The following RBPJ variants were observed in gnomAD, a reference collection of about 807,000 sequenced individuals.
RBPJ encodes recombination signal binding protein for immunoglobulin kappa J region, also known as recombining binding protein suppressor of hairless.
Under a neutral mutation model 67.8 loss-of-function variants are expected in RBPJ, and 9 were observed. The ratio of observed to expected loss-of-function variants is 0.13; its 90% CI spans 0.08 to 0.23. The LOEUF is 0.23. RBPJ is among the 10% of genes least tolerant of loss of function. The probability of loss-of-function intolerance (pLI) is 1.00; values close to 1 mark genes in which losing one functional copy is unlikely to be tolerated. For synonymous variants in RBPJ, 198 were observed against 203.3 expected, an observed-to-expected ratio of 0.97 and a Z score of 0.22; for missense variants, 305 against 595.6, an observed-to-expected ratio of 0.51 and a Z score of 5.08.
chr4:26,244,158 T>TGTAC lies in RBPJ; in HGVS notation c.-167+80544_-167+80545insGTAC, dbSNP rs1491415000. Among the ~76,000 whole-genome samples the TGTAC allele has an allele frequency of 5.6e-4, 78 of 138,096 alleles. 1 individual carries two copies. Among genetic ancestry groups the TGTAC allele is most frequent in the African/African-American group, 1.8e-3 (59 of 32,710 alleles). 90.6% of individuals were successfully genotyped at this position (138,096 alleles called of 152,430 possible). ...ATATATATATGTGTACACATATATG[T>TGTAC]ATATATATATGTATACACATATATG... On this transcript the variant is annotated intron_variant, in intron 1 of 4. Coordinates refer to the RBPJ transcript ENST00000512351.
At chr4:26,292,825 A>G (rs749705996) in intron 1 of RBPJ, among the ~76,000 whole-genome samples, 3 of 150,636 alleles carry the variant, frequency 2.0e-5, no homozygotes, top group Non-Finnish European at 4.4e-5. Flanking sequence ...GTGTTTATAT[A>G]TATATATGTG....
chr4:26,119,445 T>A, the RBPJ span, among the ~76,000 whole-genome samples: 1 of 152,194 alleles, frequency 6.6e-6, no homozygotes, highest in Non-Finnish European at 1.5e-5. Flanking sequence ...ATTTCATTTT[T>A]CAGATTAGCT....
chr4:26,162,602 G>T (rs1300496905), upstream of RBPJ, among the ~76,000 whole-genome samples: 2 of 152,194 alleles, frequency 1.3e-5, no homozygotes, highest in African/African-American at 4.8e-5. Flanking sequence ...GAAAGAGGTG[G>T]CATATTATCC....
chr4:26,241,492 C>CT (rs979830129), intron 1 of RBPJ, among the ~76,000 whole-genome samples: 13 of 151,758 alleles, frequency 8.6e-5, no homozygotes, highest in Admixed American at 5.3e-4. Flanking sequence ...CTTCTTTTCA[C>CT]TTTTTTTTCT....
chr4:26,279,689 C>T (rs1303308517), intron 1 of RBPJ, among the ~76,000 whole-genome samples: 1 of 152,036 alleles, frequency 6.6e-6, no homozygotes, highest in African/African-American at 2.4e-5. Flanking sequence ...AGTAAAACTT[C>T]CTAAGAAGAT....
chr4:26,402,743 T>C (rs1288949260), intron 2 of RBPJ, among the ~76,000 whole-genome samples: 1 of 152,240 alleles, frequency 6.6e-6, no homozygotes, highest in Non-Finnish European at 1.5e-5. Context: ...GTTTTTGTTC[T>C]GGGAGAGTCC....
At chr4:26,200,203 A>G (rs77437092) in intron 1 of RBPJ, among the ~76,000 whole-genome samples, 1 of 152,248 alleles carries the variant, frequency 6.6e-6, no homozygotes, top group Non-Finnish European at 1.5e-5. Context: ...CCTTATTTTT[A>G]CAGTCACAGT....
chr4:26,410,040 A>C, intron 3 of RBPJ: 1 of 455,010 alleles, frequency 2.2e-6, no homozygotes, highest in Non-Finnish European at 4.4e-6. Flanking sequence ...TTTAAAAAAC[A>C]GGTGTTAGTA....
chr4:26,393,273 A>G (rs1039350560), intron 2 of RBPJ, among the ~76,000 whole-genome samples: 7 of 152,252 alleles, frequency 4.6e-5, no homozygotes, highest in African/African-American at 1.4e-4. Context: ...GAAATGTAAA[A>G]TCAATGACCA....
the RBPJ span, among the ~76,000 whole-genome samples, chr4:26,144,250 G>A: frequency 6.8e-6 from 1 of 146,702 alleles, no homozygotes; most frequent in Non-Finnish European, 1.5e-5. Context: ...GAGAGCATAA[G>A]AGGGAGTAAG....
chr4:26,255,595 G>A (rs1257738660), intron 1 of RBPJ, among the ~76,000 whole-genome samples: 6 of 149,552 alleles, frequency 4.0e-5, no homozygotes, highest in Admixed American at 6.6e-5. Context: ...GAGGTCGGGA[G>A]ATCGAGACCA....
chr4:26,404,042 C>T (rs1733124399), intron 2 of RBPJ, among the ~76,000 whole-genome samples: 1 of 152,130 alleles, frequency 6.6e-6, no homozygotes, highest in Non-Finnish European at 1.5e-5. Flanking sequence ...ACCTCTCCAG[C>T]ATCTGCTATT....
chr4:26,296,867 C>T (rs1045779226), intron 1 of RBPJ, among the ~76,000 whole-genome samples: 2 of 152,204 alleles, frequency 1.3e-5, no homozygotes, highest in Non-Finnish European at 2.9e-5. Flanking sequence ...TGATCACTTT[C>T]TTGGCATACA....
intron 1 of RBPJ, among the ~76,000 whole-genome samples, chr4:26,252,393 C>A (rs1187275018): frequency 6.6e-6 from 1 of 152,008 alleles, no homozygotes; most frequent in Non-Finnish European, 1.5e-5. Context: ...CCCAGGAGTT[C>A]GAGACCAGTT....
the RBPJ span, among the ~76,000 whole-genome samples, chr4:26,140,375 A>T: frequency 3.3e-5 from 5 of 152,142 alleles, no homozygotes; most frequent in African/African-American, 1.2e-4. Flanking sequence ...CAAAAATAAC[A>T]TTTTATGAGC....
At chr4:26,321,069 G>A (rs1722977178) in intron 1 of RBPJ, 21 bp downstream of exon 1, 12 of 1,583,876 alleles carry the variant, frequency 7.6e-6, no homozygotes, top group Non-Finnish European at 1.0e-5. Flanking sequence ...GGGAATCGGA[G>A]CGCCGGGAAC....
chr4:26,217,870 T>C (rs1718768931), intron 1 of RBPJ, among the ~76,000 whole-genome samples: 1 of 152,166 alleles, frequency 6.6e-6, no homozygotes, highest in South Asian at 2.1e-4. Context: ...TCTTTAGATC[T>C]CTGTAGCTCC....
At chr4:26,143,904 C>T in the RBPJ span, among the ~76,000 whole-genome samples, 3 of 151,926 alleles carry the variant, frequency 2.0e-5, no homozygotes, top group South Asian at 2.1e-4. Flanking sequence ...CTCCAGCCTG[C>T]GCATCAAAGC....
upstream of RBPJ, among the ~76,000 whole-genome samples, chr4:26,161,127 C>A (rs541677071): frequency 6.6e-6 from 1 of 152,216 alleles, no homozygotes; most frequent in African/African-American, 2.4e-5. Flanking sequence ...TTCCAAGCCT[C>A]GGCCTCAAGA....
Sources: allele counts gnomAD v4.1 joint callset (sites outside exome capture counted in the v4.1 genomes callset), GRCh38; gene constraint gnomAD v4.1.1; transcripts MANE v1.5; gene names NCBI Gene and HGNC (gene_info 2026-07-23, HGNC 2026-07-21).